Variants in CTNNA2 observed in about 807,000 individuals in gnomAD.
CTNNA2 encodes catenin alpha 2.
Under a neutral mutation model 101.0 loss-of-function variants are expected in CTNNA2, and 42 were observed. That is an observed-to-expected ratio of 0.42 (90% confidence interval 0.32 to 0.54). CTNNA2 has a LOEUF of 0.54. CTNNA2 is among the 20% of genes least tolerant of loss of function. CTNNA2 has a pLI of 0.14. For synonymous variants in CTNNA2, 450 were observed against 456.4 expected, an observed-to-expected ratio of 0.99 and a Z score of 0.18; for missense variants, 871 against 1,223.1, an observed-to-expected ratio of 0.71 and a Z score of 4.29.
chr2:80,365,949 C>T (rs1290653464), intron 7 of CTNNA2, among the ~76,000 whole-genome samples: 1 of 152,134 alleles, frequency 6.6e-6, no homozygotes. Context: ...CTGCATCAGG[C>T]TTGCACTAAT....
At chr2:80,043,017 CCCTTTCTTTCTTTCTTTCTTTCCT>C (rs1558754443) in intron 7 of CTNNA2, among the ~76,000 whole-genome samples, 5 of 145,632 alleles carry the variant, frequency 3.4e-5, no homozygotes, top group African/African-American at 7.9e-5. Context: ...TCCTTTCTTT[CCCTTTCTTTCTTTCTTTCTTTCCT>C]TCTTTCTTTC....
intron 2 of CTNNA2, among the ~76,000 whole-genome samples, chr2:79,694,098 T>A (rs2104717510): frequency 1.3e-5 from 2 of 152,104 alleles, no homozygotes; most frequent in Admixed American, 1.3e-4. Flanking sequence ...CATCTTCTTC[T>A]CACTTAGACA....
In CTNNA2 at chr2:80,289,551, A is replaced by G. The variant is rs540933850; in HGVS notation, c.1057-103660A>G. Among the ~76,000 whole-genome samples the G allele has an allele frequency of 1.4e-4, 21 of 152,334 alleles. No individual in the cohort carries two copies. The South Asian group carries it at 2.7e-3, about 20-fold the overall frequency. ...CCCTGAGGCTATTTTTATAAACATA[A>G]CATGTCACTCTACTGTGGTGATGGG... On this transcript the variant is annotated intron_variant, in intron 7 of 18. Coordinates refer to ENST00000402739, the MANE Select transcript of CTNNA2 (RefSeq NM_001282597.3).
intron 1 of CTNNA2, among the ~76,000 whole-genome samples, chr2:79,611,569 T>A (rs1442710879): frequency 6.6e-6 from 1 of 152,160 alleles, no homozygotes; most frequent in South Asian, 2.1e-4. Flanking sequence ...AACATATTGC[T>A]GCTTTTAAGT....
At chr2:80,197,642 C>A (rs575062786) in intron 7 of CTNNA2, among the ~76,000 whole-genome samples, 18 of 152,286 alleles carry the variant, frequency 1.2e-4, no homozygotes, top group Admixed American at 1.1e-3. Context: ...ACTTCTCCAT[C>A]CTCTCTACAG....
At chr2:79,396,501 A>G (rs1420457829) in intron 4 of CTNNA2, among the ~76,000 whole-genome samples, 1 of 152,058 alleles carries the variant, frequency 6.6e-6, no homozygotes, top group Non-Finnish European at 1.5e-5. Context: ...TTTGAGCTTC[A>G]TTTCTTTTTG....
chr2:79,771,397 T>G lies in CTNNA2; in HGVS notation c.298+26815T>G, dbSNP rs376339540. ...GGTAAGGGGATGGTTTTAGTATGAT[T>G]CAAGCACATTATATTTGTTGTGCAC... is the stretch of plus-strand genomic sequence containing the variant. On this transcript the variant is annotated intron_variant, in intron 3 of 18. Transcript: ENST00000402739. 1.2e-3 allele frequency among the ~76,000 whole-genome samples: 185 copies of G among 152,292 alleles called. 1 individual carries two copies. The highest frequency in any genetic ancestry group is 4.2e-3 in the African/African-American group (176 of 41,562).
At chr2:79,238,005 G>A (rs756931763) in intron 2 of CTNNA2, among the ~76,000 whole-genome samples, 14 of 152,012 alleles carry the variant, frequency 9.2e-5, no homozygotes, top group Non-Finnish European at 1.5e-4. Flanking sequence ...CTTTTCCTTC[G>A]CATTCACAAC....
At chr2:80,331,472 C>T (rs769755546) in intron 7 of CTNNA2, among the ~76,000 whole-genome samples, 3 of 152,052 alleles carry the variant, frequency 2.0e-5, no homozygotes, top group Non-Finnish European at 4.4e-5. Context: ...CACTACCTTT[C>T]CAGTAACAGA....
intron 4 of CTNNA2, among the ~76,000 whole-genome samples, chr2:79,439,020 A>T (rs1002721789): frequency 6.6e-6 from 1 of 152,216 alleles, no homozygotes; most frequent in East Asian, 1.9e-4. Flanking sequence ...AGAGATCCTC[A>T]AAAGGTTAAA....
At chr2:80,393,418 A>G in intron 8 of CTNNA2, 127 bp downstream of exon 8, 3 of 662,438 alleles carry the variant, frequency 4.5e-6, no homozygotes, top group Non-Finnish European at 7.6e-6. Flanking sequence ...TACATATACA[A>G]ATAAAAACCC....
intron 6 of CTNNA2, among the ~76,000 whole-genome samples, chr2:79,895,973 G>C (rs892946310): frequency 5.3e-5 from 8 of 152,006 alleles, no homozygotes; most frequent in Non-Finnish European, 1.0e-4. Flanking sequence ...TGTCTCAGCT[G>C]GTCTCCTGCC....
intron 4 of CTNNA2, among the ~76,000 whole-genome samples, chr2:79,458,142 A>G (rs6751099): frequency 0.049 from 7,416 of 152,234 alleles, 304 homozygotes; most frequent in East Asian, 0.13. Flanking sequence ...CAAAGCCCCA[A>G]TAGAAGATAC....
At chr2:79,657,211 A>C (rs1412613654) in intron 2 of CTNNA2, among the ~76,000 whole-genome samples, 3 of 151,944 alleles carry the variant, frequency 2.0e-5, no homozygotes, top group Non-Finnish European at 4.4e-5. Flanking sequence ...AAATTATGGA[A>C]AATATATAAA....
At chr2:79,757,239 T>G (rs1672461680) in intron 3 of CTNNA2, among the ~76,000 whole-genome samples, 1 of 149,150 alleles carries the variant, frequency 6.7e-6, no homozygotes, top group Admixed American at 6.7e-5. Flanking sequence ...ATTTATAGAT[T>G]ATTAACTGAG....
chr2:80,577,613 G>C (rs1382104163), intron 13 of CTNNA2, among the ~76,000 whole-genome samples: 1 of 147,968 alleles, frequency 6.8e-6, no homozygotes, highest in Non-Finnish European at 1.5e-5. Context: ...AGATCAGTTA[G>C]GAACCTCCAG....
chr2:79,836,594 G>A (rs1574093626), intron 3 of CTNNA2, among the ~76,000 whole-genome samples: 1 of 152,118 alleles, frequency 6.6e-6, no homozygotes, highest in Non-Finnish European at 1.5e-5. Context: ...TGTTGGCAAG[G>A]CCACACTTCC....
chr2:80,264,548 G>C (rs1409151942), intron 7 of CTNNA2, among the ~76,000 whole-genome samples: 16 of 152,096 alleles, frequency 1.1e-4, no homozygotes, highest in Admixed American at 1.0e-3. Flanking sequence ...GGATTTCAGT[G>C]GCTTCAATGC....
chr2:80,533,196 C>T (rs1690692386), intron 9 of CTNNA2, among the ~76,000 whole-genome samples: 1 of 152,168 alleles, frequency 6.6e-6, no homozygotes, highest in Non-Finnish European at 1.5e-5. Context: ...CAATGGGTAG[C>T]ACAGCCAGTA....
Sources: allele counts gnomAD v4.1 joint callset (sites outside exome capture counted in the v4.1 genomes callset), GRCh38; gene constraint gnomAD v4.1.1; transcripts MANE v1.5; gene names NCBI Gene and HGNC (gene_info 2026-07-23, HGNC 2026-07-21).